The following GALNTL6 variants were observed in gnomAD, a reference collection of about 807,000 sequenced individuals.
GALNTL6 encodes the protein polypeptide N-acetylgalactosaminyltransferase-like 6.
GALNTL6 carries 46 observed loss-of-function variants against 73.7 expected under a neutral mutation model. That is an observed-to-expected ratio of 0.62 (90% CI 0.49 to 0.80). The LOEUF is 0.80. Ranked by LOEUF, GALNTL6 falls within the 30% of genes least tolerant of loss-of-function variation. GALNTL6 has a pLI of 0.00. For missense variants in GALNTL6, 604 were observed against 755.0 expected (o/e 0.80, Z 2.34); for synonymous variants, 259 against 263.7 (o/e 0.98, Z 0.17).
chr4:172,640,768 T>C (rs577890441), intron 5 of GALNTL6, among the ~76,000 whole-genome samples: 19 of 152,146 alleles, frequency 1.2e-4, no homozygotes, highest in Non-Finnish European at 2.5e-4. Flanking sequence ...GGTAGTCATA[T>C]TCTGAGGAAC....
intron 2 of GALNTL6, among the ~76,000 whole-genome samples, chr4:171,978,744 T>A (rs760246687): frequency 6.6e-6 from 1 of 152,174 alleles, no homozygotes; most frequent in Admixed American, 6.5e-5. Flanking sequence ...ATTTTAATAA[T>A]CTTGACTTTT....
At chr4:172,922,117 T>C (rs1747824210) in intron 8 of GALNTL6, among the ~76,000 whole-genome samples, 1 of 152,088 alleles carries the variant, frequency 6.6e-6, no homozygotes, top group African/African-American at 2.4e-5. Context: ...TATCAGAGGT[T>C]TCCACTTTTG....
chr4:172,277,496 G>A (rs954473399), intron 3 of GALNTL6, among the ~76,000 whole-genome samples: 5 of 152,086 alleles, frequency 3.3e-5, no homozygotes, highest in African/African-American at 7.2e-5. Context: ...AAAACAAACC[G>A]TGGAATAATC....
At chr4:172,663,940 A>AAAAAAG (rs1553969283) in intron 5 of GALNTL6, among the ~76,000 whole-genome samples, 4 of 147,114 alleles carry the variant, frequency 2.7e-5, no homozygotes, top group South Asian at 2.1e-4. Context: ...AAAAAAAAAA[A>AAAAAAG]AAAGAAAGAA....
At chr4:172,840,309 C>G (rs1389026574) in intron 7 of GALNTL6, among the ~76,000 whole-genome samples, 1 of 152,194 alleles carries the variant, frequency 6.6e-6, no homozygotes, top group Non-Finnish European at 1.5e-5. Context: ...AATTTAAATT[C>G]TATTTCAAAA....
intron 5 of GALNTL6, among the ~76,000 whole-genome samples, chr4:172,431,909 G>A (rs756336955): frequency 5.4e-4 from 82 of 152,020 alleles, no homozygotes; most frequent in Non-Finnish European, 2.8e-4. Flanking sequence ...TTCCTTACTT[G>A]TAACTATTAT....
chr4:172,333,610 GTTAA>G (rs1741208022), intron 4 of GALNTL6, among the ~76,000 whole-genome samples: 1 of 151,698 alleles, frequency 6.6e-6, no homozygotes, highest in Non-Finnish European at 1.5e-5. Context: ...CTCTTTTTCT[GTTAA>G]TTGTTTTCAT....
intron 5 of GALNTL6, among the ~76,000 whole-genome samples, chr4:172,616,046 A>G (rs1254526231): frequency 1.3e-5 from 2 of 152,176 alleles, no homozygotes; most frequent in Non-Finnish European, 2.9e-5. Flanking sequence ...TTGGCTGAAT[A>G]TGGGTCAAAC....
intron 5 of GALNTL6, among the ~76,000 whole-genome samples, chr4:172,516,403 T>C (rs989434393): frequency 1.3e-5 from 2 of 152,164 alleles, no homozygotes; most frequent in African/African-American, 4.8e-5. Flanking sequence ...ATAATAATTT[T>C]CAATTATTGA....
In GALNTL6 at chr4:172,155,882, G is replaced by C. The variant is rs185606491; in HGVS notation, c.139-73774G>C. Among the ~76,000 whole-genome samples the C allele has an allele frequency of 1.0e-3, 159 of 152,082 alleles. No individual in the cohort carries two copies. In the Middle Eastern group the frequency reaches 0.014, roughly 13 times the overall value. ...TCCATTCTCCTTTTGCTCTTATCTA[G>C]TAGTAAGCTTTTTAAATGAAATAGC... On this transcript the variant is annotated intron_variant, in intron 2 of 12. Coordinates refer to ENST00000506823, the MANE Select transcript of GALNTL6 (RefSeq NM_001034845.3).
chr4:172,957,438 C>T (rs1272917518), intron 10 of GALNTL6, among the ~76,000 whole-genome samples: 2 of 151,962 alleles, frequency 1.3e-5, no homozygotes, highest in African/African-American at 2.4e-5. Flanking sequence ...AGCAGGGCAG[C>T]GGGGCAGTAG....
rs13106824 is a variant in GALNTL6 at position 171,910,643 on chromosome 4, G to T, written c.138+95925G>T. Among the ~76,000 whole-genome samples the T allele has an allele frequency of 3.3e-5, 5 of 151,688 alleles. No individual in the cohort carries two copies. The South Asian group carries it at 1.0e-3, about 31-fold the overall frequency. ...AAGTATTAACCATCTTACCCTGTTCGCCATTTTATAGATTTTGAAAGAATA... is the reference window on the plus strand; with the variant it reads ...AAGTATTAACCATCTTACCCTGTTCTCCATTTTATAGATTTTGAAAGAATA... On this transcript the variant is annotated intron_variant, in intron 2 of 12. Coordinates refer to ENST00000506823, the MANE Select transcript of GALNTL6 (RefSeq NM_001034845.3).
chr4:171,881,874 T>A (rs993022770), intron 2 of GALNTL6, among the ~76,000 whole-genome samples: 1 of 152,216 alleles, frequency 6.6e-6, no homozygotes, highest in African/African-American at 2.4e-5. Context: ...AATGTGTTTG[T>A]TTAGTAGTAT....
intron 7 of GALNTL6, among the ~76,000 whole-genome samples, chr4:172,836,264 T>A (rs1742906165): frequency 6.6e-6 from 1 of 152,182 alleles, no homozygotes; most frequent in South Asian, 2.1e-4. Flanking sequence ...TGTGATAAGT[T>A]TTCCCACCTG....
At chr4:172,377,821 C>A (rs1743094779) in intron 5 of GALNTL6, among the ~76,000 whole-genome samples, 1 of 152,142 alleles carries the variant, frequency 6.6e-6, no homozygotes, top group South Asian at 2.1e-4. Context: ...CACAGGCTGG[C>A]CGCTCTGAGT....
intron 5 of GALNTL6, among the ~76,000 whole-genome samples, chr4:172,560,647 G>A (rs1736320792): frequency 6.6e-6 from 1 of 152,124 alleles, no homozygotes; most frequent in Non-Finnish European, 1.5e-5. Context: ...GGTAATTGAA[G>A]TCTGAGATTT....
At chr4:172,857,701 CT>C (rs908444182) in intron 7 of GALNTL6, among the ~76,000 whole-genome samples, 79 of 152,204 alleles carry the variant, frequency 5.2e-4, no homozygotes, top group African/African-American at 1.9e-3. Flanking sequence ...GTTTTCTAGT[CT>C]TTTTTAAAAA....
intron 5 of GALNTL6, among the ~76,000 whole-genome samples, chr4:172,698,048 ACT>A (rs1733797292): frequency 6.6e-6 from 1 of 151,904 alleles, no homozygotes; most frequent in Non-Finnish European, 1.5e-5. Context: ...GACAATAGAA[ACT>A]CTCTAGTACA....
At chr4:172,139,360 T>G (rs912232081) in intron 2 of GALNTL6, among the ~76,000 whole-genome samples, 2 of 152,140 alleles carry the variant, frequency 1.3e-5, no homozygotes, top group African/African-American at 4.8e-5. Flanking sequence ...AATGCATAGG[T>G]TTTTAAATAT....
Sources: gnomAD v4.1 joint callset for allele counts (sites outside exome capture counted in the v4.1 genomes callset) on GRCh38, gnomAD v4.1.1 for gene constraint, MANE v1.5 for transcripts, NCBI Gene and HGNC (gene_info 2026-07-23, HGNC 2026-07-21) for gene names.